RAB3GAP2: variants seen among roughly 807,000 people sequenced by gnomAD.
RAB3GAP2 encodes the protein rab3 GTPase-activating protein non-catalytic subunit.
In RAB3GAP2, 87 loss-of-function variants were observed where a neutral mutation model predicts 185.3. That is an observed-to-expected ratio of 0.47 (90% confidence interval 0.39 to 0.56). The LOEUF (loss-of-function observed/expected upper bound fraction) is 0.56, where lower values mean the gene tolerates loss of function less well. Ranked by LOEUF, RAB3GAP2 falls within the 20% of genes least tolerant of loss-of-function variation. The pLI is 0.00. For missense variants in RAB3GAP2, 1,492 were observed against 1,638.2 expected, an observed-to-expected ratio of 0.91 and a Z score of 1.54; for synonymous variants, 554 against 576.1, an observed-to-expected ratio of 0.96 and a Z score of 0.55.
At chr1:220,179,594 A>G (rs1658362392) in intron 21 of RAB3GAP2, among the ~76,000 whole-genome samples, 1 of 152,200 alleles carries the variant, frequency 6.6e-6, no homozygotes, top group South Asian at 2.1e-4. Flanking sequence ...CACATAAAAC[A>G]TTCTCCAGGA....
intron 2 of RAB3GAP2, among the ~76,000 whole-genome samples, chr1:220,229,841 G>A (rs937592309): frequency 6.6e-6 from 1 of 152,142 alleles, no homozygotes; most frequent in African/African-American, 2.4e-5. Flanking sequence ...ATGCCTGTGA[G>A]GTTTATTCCA....
intron 32 of RAB3GAP2, 93 bp downstream of exon 32, chr1:220,153,875 G>A: frequency 6.4e-7 from 1 of 1,559,360 alleles, no homozygotes; most frequent in Non-Finnish European, 8.7e-7. Context: ...CCTTGCGATA[G>A]AAAGTAGTCA....
chr1:220,165,003 C>T (rs1475595039), intron 26 of RAB3GAP2, among the ~76,000 whole-genome samples: 1 of 151,708 alleles, frequency 6.6e-6, no homozygotes. Context: ...TAATTAATTC[C>T]CAGAAGCTCC....
At chr1:220,180,787 A>G (rs1317300363) in intron 21 of RAB3GAP2, among the ~76,000 whole-genome samples, 1 of 152,212 alleles carries the variant, frequency 6.6e-6, no homozygotes, top group Non-Finnish European at 1.5e-5. Context: ...AAAACAACAC[A>G]TTAAACCATC....
chr1:220,171,970 C>G lies in RAB3GAP2; in HGVS notation c.2496G>C (p.Glu832Asp). Residue 832 changes from glutamate (E) to aspartate (D), a missense_variant, in exon 23 of 35, where the codon GAG (glutamate) becomes GAC (aspartate). Glu to Asp is a conservative substitution (Grantham distance 45, BLOSUM62 2). Transcript: ENST00000358951. ...QQMRTACIQS[E>D]NNGAALLSAH... ...CAGACAACAGAGCGGCTCCATTGTT[C>G]TCAGACTGAATACAGGCTGTGCGCA... 2 of 1,614,190 alleles carry G rather than the reference C, an allele frequency of 1.2e-6. No individual in the cohort carries two copies. The highest frequency in any genetic ancestry group is 1.7e-6 in the Non-Finnish European group (2 of 1,180,030).
chr1:220,245,319 C>T lies in RAB3GAP2; in HGVS notation c.116-12456G>A, dbSNP rs1051991484. Among the ~76,000 whole-genome samples the T allele has an allele frequency of 6.6e-5, 10 of 152,282 alleles. No homozygotes were observed. In the South Asian group the frequency reaches 1.0e-3, roughly 16 times the overall value. ...CAGGCCAGTGGGTGCGCGCACCATG[C>T]GCGAGCCGAAGCAGGGCGAGGCATT... On this transcript the variant is annotated intron_variant, in intron 1 of 34. Transcript: ENST00000358951.
chr1:220,239,792 C>T (rs79378399), intron 1 of RAB3GAP2, among the ~76,000 whole-genome samples: 10,486 of 152,058 alleles, frequency 0.069, 488 homozygotes, highest in South Asian at 0.12. Context: ...CACACACACA[C>T]GTGCACACAC....
intron 4 of RAB3GAP2, chr1:220,211,465 C>A: frequency 2.3e-6 from 1 of 436,074 alleles, no homozygotes; most frequent in Non-Finnish European, 4.5e-6. Context: ...AACTGTATTT[C>A]TGCAGGGTAC....
intron 2 of RAB3GAP2, among the ~76,000 whole-genome samples, chr1:220,214,522 T>C (rs558626104): frequency 6.6e-6 from 1 of 150,470 alleles, no homozygotes; most frequent in East Asian, 2.0e-4. Context: ...TGAGACTCTG[T>C]CTCAGGGAAA....
intron 12 of RAB3GAP2, among the ~76,000 whole-genome samples, chr1:220,194,396 CT>C (rs570707367): frequency 3.3e-4 from 48 of 146,916 alleles, no homozygotes; most frequent in Admixed American, 4.8e-4. Flanking sequence ...CCTGCTTTTA[CT>C]TTTTTTTTTT....
intron 1 of RAB3GAP2, among the ~76,000 whole-genome samples, chr1:220,244,445 G>A (rs1256019713): frequency 2.0e-5 from 3 of 152,092 alleles, no homozygotes; most frequent in African/African-American, 4.8e-5. Context: ...GCTCATGGAC[G>A]GGAAGAATCG....
chr1:220,254,505 A>G (rs1413934040), intron 1 of RAB3GAP2: 2 of 1,613,408 alleles, frequency 1.2e-6, no homozygotes, highest in Non-Finnish European at 1.7e-6. Flanking sequence ...GCGATTATGA[A>G]GTGGCTCCTC....
chr1:220,264,231 A>G lies in RAB3GAP2; in HGVS notation c.115+7992T>C, dbSNP rs573737394. Among the ~76,000 whole-genome samples the G allele has an allele frequency of 4.6e-5, 7 of 152,260 alleles. No individual in the cohort carries two copies. In the South Asian group the frequency reaches 1.4e-3, roughly 31 times the overall value. On this transcript the variant is annotated intron_variant, in intron 1 of 34. Transcript: ENST00000358951. ...TTTTCCTGTGATAAGACTCTTAAGT[A>G]TTAACATTTTTCTTCTTGCTTGAGT...
intron 2 of RAB3GAP2, among the ~76,000 whole-genome samples, chr1:220,221,678 G>A (rs1659309997): frequency 6.6e-6 from 1 of 152,132 alleles, no homozygotes; most frequent in Admixed American, 6.5e-5. Flanking sequence ...CCACTAATGT[G>A]CATTATGGAA....
chr1:220,253,590 G>T, intron 1 of RAB3GAP2: 1 of 1,581,378 alleles, frequency 6.3e-7, no homozygotes, highest in Non-Finnish European at 8.7e-7. Context: ...AGCAGGACCC[G>T]AAGCCTAAAT....
chr1:220,230,410 G>C (rs1257794248), intron 2 of RAB3GAP2, among the ~76,000 whole-genome samples: 2 of 152,238 alleles, frequency 1.3e-5, no homozygotes, highest in African/African-American at 4.8e-5. Context: ...TTTTGACATA[G>C]CATTAGAAAG....
chr1:220,255,387 C>A (rs1490892321), intron 1 of RAB3GAP2, among the ~76,000 whole-genome samples: 4 of 152,158 alleles, frequency 2.6e-5, no homozygotes, highest in African/African-American at 4.8e-5. Flanking sequence ...TAAATGACTG[C>A]AACACCCCTC....
At chr1:220,178,967 A>G (rs1040893000) in intron 21 of RAB3GAP2, among the ~76,000 whole-genome samples, 1 of 152,148 alleles carries the variant, frequency 6.6e-6, no homozygotes, top group African/African-American at 2.4e-5. Context: ...TCAACAACAT[A>G]AAAGTGTATA....
At position 220,245,281 on chromosome 1, in the gene RAB3GAP2, C is replaced by A. The variant is rs186963730; in HGVS notation, c.116-12418G>T. Among the ~76,000 whole-genome samples, 961 of 152,328 alleles carry A rather than the reference C, an allele frequency of 6.3e-3. 8 individuals are homozygous for A. The highest frequency in any genetic ancestry group is 0.022 in the African/African-American group (905 of 41,574). Reference sequence around the variant, plus strand: ...CCGGGTTCATCTCACTAGGGAGTGCCAGACAGTGGGCGCAGGCCAGTGGGT... The same window carrying A: ...CCGGGTTCATCTCACTAGGGAGTGCAAGACAGTGGGCGCAGGCCAGTGGGT... On this transcript the variant is annotated intron_variant, in intron 1 of 34. Coordinates refer to ENST00000358951, the MANE Select transcript of RAB3GAP2 (RefSeq NM_012414.4).
Sources: gnomAD v4.1 joint callset for allele counts (sites outside exome capture counted in the v4.1 genomes callset) on GRCh38, gnomAD v4.1.1 for gene constraint, MANE v1.5 for transcripts, NCBI Gene and HGNC (gene_info 2026-07-23, HGNC 2026-07-21) for gene names.